Variants in PTPRN2 observed in about 807,000 individuals in gnomAD.
The protein encoded by PTPRN2 is protein tyrosine phosphatase receptor type N2, also known as receptor-type tyrosine-protein phosphatase N2.
PTPRN2 carries 74 observed loss-of-function variants against 118.8 expected under a neutral mutation model. The ratio of observed to expected loss-of-function variants is 0.62; its 90% confidence interval spans 0.52 to 0.76. The LOEUF (loss-of-function observed/expected upper bound fraction) is 0.76. Ranked by LOEUF, PTPRN2 falls within the 30% of genes least tolerant of loss-of-function variation. The probability of loss-of-function intolerance (pLI) is 0.00; values close to 1 mark genes in which losing one functional copy is unlikely to be tolerated. For missense variants in PTPRN2, 1,481 were observed against 1,394.4 expected, an observed-to-expected ratio of 1.06 and a Z score of -0.99; for synonymous variants, 641 against 608.0, an observed-to-expected ratio of 1.05 and a Z score of -0.80.
chr7:158,111,207 C>T (rs988000913), intron 9 of PTPRN2, among the ~76,000 whole-genome samples: 1 of 152,142 alleles, frequency 6.6e-6, no homozygotes, highest in African/African-American at 2.4e-5. Context: ...AAGGGACAGG[C>T]AGGTGCGGCG....
At chr7:158,142,866 G>A (rs906671907) in intron 6 of PTPRN2, among the ~76,000 whole-genome samples, 5 of 152,170 alleles carry the variant, frequency 3.3e-5, no homozygotes, top group Non-Finnish European at 7.3e-5. Flanking sequence ...CTCCTTCCAC[G>A]CTGACAGGCT....
At chr7:158,297,265 C>T (rs1800569214) in intron 3 of PTPRN2, among the ~76,000 whole-genome samples, 1 of 152,262 alleles carries the variant, frequency 6.6e-6, no homozygotes, top group African/African-American at 2.4e-5. Flanking sequence ...GCTGCTAACT[C>T]TCTGGCTTTC....
chr7:158,062,122 C>T (rs1810394746), intron 11 of PTPRN2, among the ~76,000 whole-genome samples: 1 of 152,246 alleles, frequency 6.6e-6, no homozygotes, highest in Non-Finnish European at 1.5e-5. Flanking sequence ...CGGGCGACGG[C>T]CATGGCACAG....
chr7:158,571,962 G>C (rs140801036), intron 1 of PTPRN2, among the ~76,000 whole-genome samples: 4 of 152,284 alleles, frequency 2.6e-5, no homozygotes, highest in African/African-American at 9.6e-5. Context: ...TTAACCTCAT[G>C]AAATTCTACT....
chr7:158,299,785 C>T (rs1436026787), intron 3 of PTPRN2, among the ~76,000 whole-genome samples: 1 of 152,188 alleles, frequency 6.6e-6, no homozygotes, highest in Non-Finnish European at 1.5e-5. Context: ...AGTGGCAGAG[C>T]AGTTGGCGGT....
chr7:158,003,283 G>A lies in PTPRN2; in HGVS notation c.1723+78015C>T, dbSNP rs1356378758. ...CAAAAAATTAGCCGGGCGTGTTGGC[G>A]GGCGCCTGTAGTCCCAGCTACTTGG... On this transcript the variant is annotated intron_variant, in intron 11 of 22. Coordinates refer to ENST00000389418, the MANE Select transcript of PTPRN2 (RefSeq NM_002847.5). This position sits in a 1 kb window ranked among gnomAD's most constrained non-coding sequence, Gnocchi z 5.0. Among the ~76,000 whole-genome samples, 4 of 151,622 alleles carry A rather than the reference G, an allele frequency of 2.6e-5. No homozygotes were observed. Among genetic ancestry groups the A allele is most frequent in the East Asian group, 3.9e-4 (2 of 5,148 alleles).
intron 5 of PTPRN2, among the ~76,000 whole-genome samples, chr7:158,168,548 T>G (rs1232126607): frequency 6.6e-6 from 1 of 152,230 alleles, no homozygotes; most frequent in African/African-American, 2.4e-5. Flanking sequence ...CTCAAGTGCC[T>G]TGTCTGGAGG....
At chr7:158,265,880 CAG>C (rs1452308344) in intron 3 of PTPRN2, among the ~76,000 whole-genome samples, 1 of 152,256 alleles carries the variant, frequency 6.6e-6, no homozygotes, top group African/African-American at 2.4e-5. Flanking sequence ...AACACAGAAT[CAG>C]AGTCTGCGTG....
chr7:158,059,109 C>T (rs369112123), intron 11 of PTPRN2, among the ~76,000 whole-genome samples: 21 of 75,980 alleles, frequency 2.8e-4, no homozygotes, highest in African/African-American at 7.4e-4. Flanking sequence ...CAGTGAGACA[C>T]CACTGCAGCC....
chr7:158,547,832 T>C (rs1563421745), intron 1 of PTPRN2, among the ~76,000 whole-genome samples: 1 of 152,214 alleles, frequency 6.6e-6, no homozygotes, highest in Non-Finnish European at 1.5e-5. Flanking sequence ...TCTGTCCCAA[T>C]ATCAAGGCAA....
At chr7:158,131,272 C>T (rs56082643) in intron 9 of PTPRN2, among the ~76,000 whole-genome samples, 144,590 of 151,514 alleles carry the variant, frequency 0.95, 69,042 homozygotes, top group Middle Eastern at 0.98. Flanking sequence ...TATGCATAGA[C>T]ACAAATACCT....
At chr7:158,490,829 C>T (rs1475792530) in intron 1 of PTPRN2, among the ~76,000 whole-genome samples, 3 of 152,224 alleles carry the variant, frequency 2.0e-5, no homozygotes, top group Non-Finnish European at 4.4e-5. Flanking sequence ...TTTCGGGACT[C>T]GCCACACTGT....
chr7:158,138,364 T>A lies in PTPRN2; in HGVS notation c.1062A>T (p.Arg354Ser), dbSNP rs779833339. ...GTTCTCCAGACTCTCCCAGGGCCGC[T>A]CTCCCAGGGCTGCCTCGAGCTACTC... is the stretch of plus-strand genomic sequence containing the variant. ...DHGVARGSPG[R>S]AALGESGEQA... The change falls in exon 7 of 23, where the codon AGA becomes AGT. Residue 354 changes from arginine (R) to serine (S), a missense_variant. Around this residue, in one of 3 missense-constraint regions of PTPRN2, gnomAD observed 1,115 missense variants for 994.2 expected, o/e 1.12. Transcript: ENST00000389418. The A allele has an allele frequency of 1.9e-6, 3 of 1,613,772 alleles. No homozygotes were observed. The South Asian group carries it at 3.3e-5, about 18-fold the overall frequency.
chr7:158,046,329 C>T (rs1426218283), intron 11 of PTPRN2, among the ~76,000 whole-genome samples: 1 of 148,690 alleles, frequency 6.7e-6, no homozygotes, highest in African/African-American at 2.5e-5. Context: ...CCTGACACTG[C>T]GATCCTGGTG....
intron 4 of PTPRN2, among the ~76,000 whole-genome samples, chr7:158,203,225 C>CAAAAAAAAAAAAAAAAAA: frequency 2.0e-5 from 1 of 50,340 alleles, no homozygotes; most frequent in Non-Finnish European, 3.9e-5. Flanking sequence ...AAGCAAGAGC[C>CAAAAAAAAAAAAAAAAAA]AAAAAAAAAA....
At chr7:158,012,388 A>G (rs1464069840) in intron 11 of PTPRN2, among the ~76,000 whole-genome samples, 1 of 152,250 alleles carries the variant, frequency 6.6e-6, no homozygotes, top group Non-Finnish European at 1.5e-5. Context: ...CAAAGAAAAA[A>G]TCCATAGTGT....
At chr7:158,527,404 C>T (rs1374595832) in intron 1 of PTPRN2, among the ~76,000 whole-genome samples, 1 of 152,224 alleles carries the variant, frequency 6.6e-6, no homozygotes, top group Non-Finnish European at 1.5e-5. Context: ...GCTAAATCCT[C>T]AGCGAGTGTC....
chr7:157,941,678 C>T (rs1800138818), intron 11 of PTPRN2, among the ~76,000 whole-genome samples: 1 of 152,206 alleles, frequency 6.6e-6, no homozygotes, highest in Non-Finnish European at 1.5e-5. Context: ...TAATTTTTAT[C>T]AGGGCTAGGA....
chr7:158,087,073 C>T (rs1411779295), intron 10 of PTPRN2, among the ~76,000 whole-genome samples: 1 of 152,198 alleles, frequency 6.6e-6, no homozygotes, highest in Non-Finnish European at 1.5e-5. Context: ...GAGGATCGGG[C>T]AGGATAGCTG....
Sources: allele counts gnomAD v4.1 joint callset (sites outside exome capture counted in the v4.1 genomes callset), GRCh38; gene constraint gnomAD v4.1.1; regional missense constraint gnomAD v4.1.1; non-coding constraint Gnocchi (gnomAD v3.1); transcripts MANE v1.5; gene names NCBI Gene and HGNC (gene_info 2026-07-23, HGNC 2026-07-21).